The following PARD3B variants were observed in gnomAD, a reference collection of about 807,000 sequenced individuals.
PARD3B encodes the protein partitioning defective 3 homolog B.
Under a neutral mutation model 130.2 loss-of-function variants are expected in PARD3B, and 103 were observed. That is an observed-to-expected ratio of 0.79 (90% CI 0.67 to 0.93). The LOEUF (loss-of-function observed/expected upper bound fraction) is 0.93, where lower values mean the gene tolerates loss of function less well. Among genes scored for constraint, PARD3B ranks in the 40% least tolerant of loss-of-function variants. The probability of loss-of-function intolerance (pLI) is 0.00; values close to 1 mark genes in which losing one functional copy is unlikely to be tolerated. For missense variants in PARD3B, 1,609 were observed against 1,499.2 expected, an observed-to-expected ratio of 1.07 and a Z score of -1.21; for synonymous variants, 583 against 553.2, an observed-to-expected ratio of 1.05 and a Z score of -0.76.
chr2:204,994,888 G>T (rs1382469376), intron 3 of PARD3B, among the ~76,000 whole-genome samples: 1 of 151,808 alleles, frequency 6.6e-6, no homozygotes, highest in Admixed American at 6.6e-5. Context: ...TTTAATCCGA[G>T]ACTAGGATTG....
chr2:205,109,192 C>G (rs907649112), intron 5 of PARD3B, among the ~76,000 whole-genome samples: 3 of 152,202 alleles, frequency 2.0e-5, no homozygotes, highest in Non-Finnish European at 2.9e-5. Context: ...TTACTCAGTA[C>G]ATTTGCATCC....
chr2:205,306,965 A>AT (rs2105921181), intron 18 of PARD3B, among the ~76,000 whole-genome samples: 1 of 152,190 alleles, frequency 6.6e-6, no homozygotes, highest in African/African-American at 2.4e-5. Context: ...AGTATGTATT[A>AT]TTTTTTCCGT....
At chr2:204,764,623 A>G (rs532684384) in intron 2 of PARD3B, among the ~76,000 whole-genome samples, 50 of 151,930 alleles carry the variant, frequency 3.3e-4, no homozygotes, top group Non-Finnish European at 5.9e-4. Context: ...AGATGCACAC[A>G]CCATGTAACT....
At chr2:204,650,332 A>G (rs2035434348) in intron 1 of PARD3B, among the ~76,000 whole-genome samples, 2 of 152,328 alleles carry the variant, frequency 1.3e-5, no homozygotes, top group South Asian at 4.1e-4. Context: ...TGTGGAAGAC[A>G]GTGTGGCAAT....
intron 18 of PARD3B, among the ~76,000 whole-genome samples, chr2:205,389,458 G>T (rs1225916599): frequency 6.6e-6 from 1 of 152,140 alleles, no homozygotes; most frequent in African/African-American, 2.4e-5. Flanking sequence ...CGCCTCCCAG[G>T]TTCAAGGGAT....
At chr2:205,109,377 G>C (rs896104158) in intron 5 of PARD3B, among the ~76,000 whole-genome samples, 4 of 152,164 alleles carry the variant, frequency 2.6e-5, no homozygotes, top group African/African-American at 9.7e-5. Flanking sequence ...CTCTCTGCAT[G>C]TCAGCAGTCT....
At chr2:205,139,212 C>T (rs1048732483) in intron 10 of PARD3B, among the ~76,000 whole-genome samples, 2 of 151,862 alleles carry the variant, frequency 1.3e-5, no homozygotes, top group Non-Finnish European at 2.9e-5. Flanking sequence ...GCTCAACGTG[C>T]AGGCACCAAG....
At chr2:205,345,963 G>A (rs2043739216) in intron 18 of PARD3B, among the ~76,000 whole-genome samples, 1 of 87,660 alleles carries the variant, frequency 1.1e-5, no homozygotes. Flanking sequence ...CTGAGGTCAG[G>A]AGTTCAAGAC....
intron 21 of PARD3B, among the ~76,000 whole-genome samples, chr2:205,537,860 A>G (rs1334641971): frequency 2.0e-5 from 3 of 152,212 alleles, no homozygotes; most frequent in Admixed American, 2.0e-4. Context: ...TCTTGATTTC[A>G]TTCAGTAGAA....
intron 2 of PARD3B, among the ~76,000 whole-genome samples, chr2:204,695,086 G>A (rs1032440991): frequency 8.6e-5 from 13 of 151,964 alleles, no homozygotes; most frequent in African/African-American, 3.1e-4. Context: ...TTTACTTAGA[G>A]CTAAAAATGT....
chr2:205,362,081 G>C (rs1287102124), intron 18 of PARD3B, among the ~76,000 whole-genome samples: 2 of 151,984 alleles, frequency 1.3e-5, no homozygotes, highest in African/African-American at 4.8e-5. Context: ...CTAACCTATA[G>C]CCCTGGGCTT....
intron 15 of PARD3B, among the ~76,000 whole-genome samples, chr2:205,217,763 T>C (rs2037995670): frequency 6.7e-6 from 1 of 149,798 alleles, no homozygotes; most frequent in Admixed American, 6.7e-5. Flanking sequence ...TATATGTGTG[T>C]AGATAAGTAT....
chr2:205,370,017 A>T (rs1459289396), intron 18 of PARD3B, among the ~76,000 whole-genome samples: 1 of 152,130 alleles, frequency 6.6e-6, no homozygotes, highest in Non-Finnish European at 1.5e-5. Flanking sequence ...TCCCTGCTGG[A>T]CTGCTCCCAA....
chr2:205,101,257 T>C (rs529851617), intron 4 of PARD3B, among the ~76,000 whole-genome samples: 1 of 152,296 alleles, frequency 6.6e-6, no homozygotes, highest in East Asian at 1.9e-4. Context: ...TACAATGACA[T>C]ATCACTTTAT....
chr2:204,743,342 T>C (rs1369460687), intron 2 of PARD3B, among the ~76,000 whole-genome samples: 1 of 152,170 alleles, frequency 6.6e-6, no homozygotes, highest in African/African-American at 2.4e-5. Flanking sequence ...CATATAGATT[T>C]TTAAAGTTGA....
chr2:205,040,032 C>T (rs1030022795), intron 3 of PARD3B, among the ~76,000 whole-genome samples: 18 of 152,254 alleles, frequency 1.2e-4, no homozygotes, highest in African/African-American at 2.9e-4. Flanking sequence ...GGCACAATCT[C>T]GGCTCCCTGC....
Position 205,090,595 on chromosome 2 carries a change from T to C in PARD3B, c.505-13831T>C, listed in dbSNP as rs16836917. On this transcript the variant is annotated intron_variant, in intron 4 of 22. Coordinates refer to ENST00000406610, the MANE Select transcript of PARD3B (RefSeq NM_001302769.2). ...AGATGGCAGGTTGGGTAAGTTGGTT[T>C]ACTCACTCAGTCAGTTAATATGAGT... Among the ~76,000 whole-genome samples, 648 of 152,286 alleles carry C rather than the reference T, an allele frequency of 4.3e-3. 7 individuals are homozygous for C. The highest frequency in any genetic ancestry group is 0.015 in the African/African-American group (623 of 41,550).
At chr2:205,035,828 T>TATATATATATATATAGAGGG (rs1559374303) in intron 3 of PARD3B, among the ~76,000 whole-genome samples, 1 of 7,974 alleles carries the variant, frequency 1.3e-4, no homozygotes, top group African/African-American at 4.0e-4. Context: ...TATCTATATA[T>TATATATATATATATAGAGGG]CTATATATAT....
intron 21 of PARD3B, among the ~76,000 whole-genome samples, chr2:205,539,930 A>T (rs906502384): frequency 2.0e-5 from 3 of 152,192 alleles, no homozygotes; most frequent in Non-Finnish European, 2.9e-5. Context: ...CTAGTTCGAA[A>T]GTAACTCAGG....
Sources: allele counts gnomAD v4.1 joint callset (sites outside exome capture counted in the v4.1 genomes callset), GRCh38; gene constraint gnomAD v4.1.1; transcripts MANE v1.5; gene names NCBI Gene and HGNC (gene_info 2026-07-23, HGNC 2026-07-21).